The following FKBP5 variants were observed in gnomAD, a reference collection of about 807,000 sequenced individuals.
The protein encoded by FKBP5 is FKBP prolyl isomerase 5.
A neutral mutation model predicts 50.5 loss-of-function variants in FKBP5; 23 were observed. The ratio of observed to expected loss-of-function variants is 0.46; its 90% CI spans 0.33 to 0.65. The LOEUF (loss-of-function observed/expected upper bound fraction) is 0.65, where lower values mean the gene tolerates loss of function less well. FKBP5 is among the 30% of genes least tolerant of loss of function. FKBP5 has a pLI of 0.02. For synonymous variants in FKBP5, 176 were observed against 190.6 expected (o/e 0.92, Z 0.63); for missense variants, 411 against 553.1 (o/e 0.74, Z 2.58).
At chr6:35,642,228 C>T (rs1362683842) in intron 2 of FKBP5, among the ~76,000 whole-genome samples, 1 of 151,980 alleles carries the variant, frequency 6.6e-6, no homozygotes, top group East Asian at 1.9e-4. Flanking sequence ...ATCTGCATTA[C>T]TAAGATATAT....
chr6:35,701,282 C>T (rs1378027734), intron 2 of FKBP5, among the ~76,000 whole-genome samples: 1 of 142,828 alleles, frequency 7.0e-6, no homozygotes, highest in Non-Finnish European at 1.5e-5. Flanking sequence ...CTCGCTCTGT[C>T]GCCCAGGCTG....
chr6:35,688,121 C>T (rs1765887179), intron 1 of FKBP5, among the ~76,000 whole-genome samples: 1 of 152,254 alleles, frequency 6.6e-6, no homozygotes, highest in African/African-American at 2.4e-5. Flanking sequence ...GCGGACTCCT[C>T]CACAAGCGGC....
Position 35,683,118 on chromosome 6 carries a change from ATATGTGTGTGTGTGTGTGTG to A in FKBP5, c.-20+5666_-20+5685del, listed in dbSNP as rs1329769834. Among the ~76,000 whole-genome samples, 296 of 108,850 alleles carry A rather than the reference ATATGTGTGTGTGTGTGTGTG, an allele frequency of 2.7e-3. 11 individuals carry two copies. The highest frequency in any genetic ancestry group is 8.6e-3 in the African/African-American group (244 of 28,282). 71.4% of individuals were successfully genotyped at this position (108,850 alleles called of 152,430 possible). On this transcript the variant is annotated intron_variant, in intron 1 of 10. Coordinates refer to ENST00000357266, the MANE Select transcript of FKBP5 (RefSeq NM_004117.4). ...AAAGTGTGTGTGTATATATATACGTATATGTGTGTGTGTGTGTGTGTGTGTGTGTGTGTGTGTGTGTGTGT... is the reference window on the plus strand; with the variant it reads ...AAAGTGTGTGTGTATATATATACGTATGTGTGTGTGTGTGTGTGTGTGTGT...
intron 9 of FKBP5, among the ~76,000 whole-genome samples, chr6:35,578,334 AG>A (rs1762294189): frequency 6.6e-6 from 1 of 152,170 alleles, no homozygotes; most frequent in Non-Finnish European, 1.5e-5. Context: ...TACAGGTCAC[AG>A]GTGTAAACCA....
intron 3 of FKBP5, among the ~76,000 whole-genome samples, chr6:35,632,833 G>A (rs1297836347): frequency 6.6e-6 from 1 of 151,392 alleles, no homozygotes; most frequent in Non-Finnish European, 1.5e-5. Flanking sequence ...AGGTCACAGT[G>A]AGCTGAGATC....
chr6:35,652,804 C>A (rs1206548894), intron 1 of FKBP5, among the ~76,000 whole-genome samples: 1 of 152,184 alleles, frequency 6.6e-6, no homozygotes, highest in East Asian at 1.9e-4. Context: ...CGCACACTCC[C>A]TCCCCTTTTG....
intron 2 of FKBP5, among the ~76,000 whole-genome samples, chr6:35,714,971 G>A (rs890802422): frequency 1.3e-5 from 2 of 151,726 alleles, no homozygotes; most frequent in Non-Finnish European, 1.5e-5. Flanking sequence ...GTAGTCGCAC[G>A]ATGTCGGCTC....
At position 35,662,268 on chromosome 6, in the gene FKBP5, T is replaced by C. The variant is rs568569679; in HGVS notation, c.-19-19425A>G. ...CTTGTCAAAAACCATGAGCATTTAT[T>C]TACGTGTCTTTTTTTTTTTTTTTTG... On this transcript the variant is annotated intron_variant, in intron 1 of 10. Transcript: ENST00000357266. Among the ~76,000 whole-genome samples, 13 of 123,778 alleles carry C rather than the reference T, an allele frequency of 1.1e-4. No homozygotes were observed. The East Asian group carries it at 1.5e-3, about 14-fold the overall frequency. The allele number at this position is 123,778 out of a possible 152,430, so 81.2% of individuals were successfully genotyped here. A position where few individuals can be genotyped will look rare whatever the true frequency, so the allele number is the denominator to read the frequency against.
At chr6:35,716,472 G>A (rs747762895) in intron 2 of FKBP5, among the ~76,000 whole-genome samples, 3 of 152,060 alleles carry the variant, frequency 2.0e-5, no homozygotes, top group South Asian at 2.1e-4. Flanking sequence ...TGTGCAGCAC[G>A]GTGTTTGAGA....
intron 1 of FKBP5, among the ~76,000 whole-genome samples, chr6:35,725,925 G>A (rs1766701228): frequency 1.3e-5 from 2 of 152,268 alleles, no homozygotes; most frequent in African/African-American, 4.8e-5. Flanking sequence ...GGCACCGCAG[G>A]GAAAGTCCTG....
intron 8 of FKBP5, chr6:35,582,304 G>C (rs961840935): frequency 2.0e-6 from 2 of 984,964 alleles, no homozygotes; most frequent in African/African-American, 3.5e-5. Context: ...ATTTGCTATG[G>C]ACTGAATTGT....
At chr6:35,636,978 C>T in intron 3 of FKBP5, 36 bp downstream of exon 3, 1 of 1,552,546 alleles carries the variant, frequency 6.4e-7, no homozygotes, top group Non-Finnish European at 8.6e-7. Context: ...AGTAATAAAG[C>T]TAAGTAAAAC....
intron 6 of FKBP5, among the ~76,000 whole-genome samples, chr6:35,592,015 A>G (rs989106785): frequency 2.6e-5 from 4 of 152,220 alleles, no homozygotes; most frequent in Non-Finnish European, 5.9e-5. Flanking sequence ...CGGGAAGCAG[A>G]TATTTACTAG....
In FKBP5 at chr6:35,575,631, G is replaced by T. The variant is rs1204238727; in HGVS notation, c.*204C>A. 6 of 560,452 alleles carry T rather than the reference G, an allele frequency of 1.1e-5. No homozygotes were observed. Among genetic ancestry groups the T allele is most frequent in the Non-Finnish European group, 1.9e-5 (6 of 311,576 alleles). The allele number at this position is 560,452 out of a possible 1,614,324, so 34.7% of individuals were successfully genotyped here. ...CAGTCATTTCTGTTTGTTCCACCTG[G>T]AGTGGTCCCGTGCCACCCCTCAGTG... On this transcript the variant is annotated 3_prime_UTR_variant, in exon 11 of 11. Coordinates refer to ENST00000357266, the MANE Select transcript of FKBP5 (RefSeq NM_004117.4).
chr6:35,677,325 G>A (rs570899932), intron 1 of FKBP5, among the ~76,000 whole-genome samples: 9 of 152,026 alleles, frequency 5.9e-5, no homozygotes, highest in Non-Finnish European at 1.2e-4. Context: ...CGCCCGCCTC[G>A]GCCTCCCAAA....
At chr6:35,644,356 T>C (rs1320747906) in intron 1 of FKBP5, among the ~76,000 whole-genome samples, 1 of 152,264 alleles carries the variant, frequency 6.6e-6, no homozygotes, top group Non-Finnish European at 1.5e-5. Flanking sequence ...TGAGCCTTCT[T>C]GTCTACAGAG....
At chr6:35,584,374 CAG>C in intron 8 of FKBP5, 1 of 985,424 alleles carries the variant, frequency 1.0e-6, no homozygotes, top group Non-Finnish European at 1.2e-6. Flanking sequence ...ACCAAACCAA[CAG>C]ATCAATGGAA....
At chr6:35,703,986 A>T (rs1200372301) in intron 2 of FKBP5, among the ~76,000 whole-genome samples, 1 of 152,138 alleles carries the variant, frequency 6.6e-6, no homozygotes, top group East Asian at 1.9e-4. Flanking sequence ...CTACCCCTGG[A>T]AGCTTAGCCT....
At chr6:35,582,659 G>A in intron 8 of FKBP5, 1 of 985,136 alleles carries the variant, frequency 1.0e-6, no homozygotes, top group Non-Finnish European at 1.2e-6. Flanking sequence ...GTATTTTACT[G>A]TGGCAGCCCA....
Sources: allele counts gnomAD v4.1 joint callset (sites outside exome capture counted in the v4.1 genomes callset), GRCh38; gene constraint gnomAD v4.1.1; transcripts MANE v1.5; gene names NCBI Gene and HGNC (gene_info 2026-07-23, HGNC 2026-07-21).